The following FHIT variants were observed in gnomAD, a reference collection of about 807,000 sequenced individuals.
FHIT encodes the protein bis(5'-adenosyl)-triphosphatase.
In FHIT, 19 loss-of-function variants were observed where a neutral mutation model predicts 17.9. The ratio of observed to expected loss-of-function variants is 1.06; its 90% CI spans 0.74 to 1.56. The LOEUF is 1.56. Ranked by LOEUF, FHIT falls within the 40% of genes most tolerant of loss-of-function variation. FHIT has a pLI of 0.00. For synonymous variants in FHIT, 81 were observed against 69.7 expected, an observed-to-expected ratio of 1.16 and a Z score of -0.81; for missense variants, 248 against 189.2, an observed-to-expected ratio of 1.31 and a Z score of -1.82.
At chr3:60,869,474 T>C (rs1704306691) in intron 3 of FHIT, among the ~76,000 whole-genome samples, 1 of 152,142 alleles carries the variant, frequency 6.6e-6, no homozygotes, top group Admixed American at 6.6e-5. Context: ...AATATGGTTG[T>C]CCACAGATCT....
At chr3:60,442,127 T>G (rs577252223) in intron 5 of FHIT, among the ~76,000 whole-genome samples, 1 of 151,920 alleles carries the variant, frequency 6.6e-6, no homozygotes. Context: ...CCCAAAGCAC[T>G]GGGATTGCAG....
At chr3:60,641,613 T>C (rs1553685304) in intron 4 of FHIT, among the ~76,000 whole-genome samples, 1 of 152,100 alleles carries the variant, frequency 6.6e-6, no homozygotes, top group East Asian at 1.9e-4. Context: ...CCTTCGTTTC[T>C]CCAGAGACTG....
intron 5 of FHIT, among the ~76,000 whole-genome samples, chr3:60,158,996 G>A (rs994484568): frequency 1.3e-5 from 2 of 151,906 alleles, no homozygotes; most frequent in Non-Finnish European, 2.9e-5. Flanking sequence ...CTAGCTAGAG[G>A]GCATTAATTC....
rs113020016 is a variant in FHIT, at chr3:61,118,430, A to G, written c.-163-76331T>C. Among the ~76,000 whole-genome samples the G allele has an allele frequency of 6.3e-3, 957 of 152,140 alleles. 11 individuals carry two copies. Among genetic ancestry groups the G allele is most frequent in the African/African-American group, 0.022 (920 of 41,492 alleles). On this transcript the variant is annotated intron_variant, in intron 2 of 9. Coordinates refer to ENST00000492590, the MANE Select transcript of FHIT (RefSeq NM_002012.4). Reference sequence around the variant, plus strand: ...AGCTGTAACGAAAGACAATCCTAACACTGGGGTCTAGAATTTAAACTTAGA... The same window carrying G: ...AGCTGTAACGAAAGACAATCCTAACGCTGGGGTCTAGAATTTAAACTTAGA...
chr3:60,183,432 A>G (rs1702028393), intron 5 of FHIT, among the ~76,000 whole-genome samples: 1 of 152,180 alleles, frequency 6.6e-6, no homozygotes, highest in Non-Finnish European at 1.5e-5. Flanking sequence ...AAACAAAAAA[A>G]TAAAAGTGGT....
intron 5 of FHIT, among the ~76,000 whole-genome samples, chr3:60,314,311 G>C (rs1323170293): frequency 1.3e-5 from 2 of 152,098 alleles, no homozygotes; most frequent in Non-Finnish European, 2.9e-5. Context: ...TAAATCAAAA[G>C]GAGTAAGGGA....
chr3:60,563,924 G>A (rs1398503075), intron 4 of FHIT, among the ~76,000 whole-genome samples: 2 of 152,184 alleles, frequency 1.3e-5, no homozygotes, highest in Non-Finnish European at 2.9e-5. Context: ...CAATGAAGTT[G>A]ACCATATTAA....
chr3:60,381,000 G>A lies in FHIT; in HGVS notation c.103+155860C>T, dbSNP rs537582653. On this transcript the variant is annotated intron_variant, in intron 5 of 9. Transcript: ENST00000492590. ...GAGTGTTCCTAGTACTTACTGATATGACCAAGACCTTGTAGCCTTTGAAAC... is the reference window on the plus strand; with the variant it reads ...GAGTGTTCCTAGTACTTACTGATATAACCAAGACCTTGTAGCCTTTGAAAC... Among the ~76,000 whole-genome samples the A allele has an allele frequency of 2.1e-4, 32 of 152,236 alleles. No individual in the cohort carries two copies. In the East Asian group the frequency reaches 4.8e-3, roughly 23 times the overall value.
chr3:60,751,126 GA>G (rs1418766776), intron 4 of FHIT, among the ~76,000 whole-genome samples: 2 of 152,192 alleles, frequency 1.3e-5, no homozygotes, highest in Non-Finnish European at 2.9e-5. Flanking sequence ...CAGGTAAGTC[GA>G]GAGTGGTTAG....
intron 4 of FHIT, among the ~76,000 whole-genome samples, chr3:60,669,508 A>C (rs184534040): frequency 2.0e-5 from 3 of 152,204 alleles, no homozygotes; most frequent in Non-Finnish European, 4.4e-5. Context: ...ACACACACAT[A>C]TATACACACT....
At chr3:60,792,247 T>A (rs182686576) in intron 4 of FHIT, among the ~76,000 whole-genome samples, 1 of 152,238 alleles carries the variant, frequency 6.6e-6, no homozygotes, top group African/African-American at 2.4e-5. Flanking sequence ...CCGCTATTGA[T>A]GACAGGAGAG....
rs374376974 is a variant in FHIT, at chr3:59,909,561, C to T, written c.348+12785G>A. On this transcript the variant is annotated intron_variant, in intron 8 of 9. Transcript: ENST00000492590. Reference sequence around the variant, plus strand: ...GCCAGGCTGGTCTCAAACTCCTGACCTCAAGTGATCCGTCCGCCTCTATCC... The same window carrying T: ...GCCAGGCTGGTCTCAAACTCCTGACTTCAAGTGATCCGTCCGCCTCTATCC... Among the ~76,000 whole-genome samples the T allele has an allele frequency of 3.2e-4, 49 of 152,184 alleles. 1 individual carries two copies. Among genetic ancestry groups the T allele is most frequent in the Admixed American group, 3.0e-3 (46 of 15,266 alleles).
intron 5 of FHIT, among the ~76,000 whole-genome samples, chr3:60,490,141 T>A (rs1347248125): frequency 6.6e-6 from 1 of 152,168 alleles, no homozygotes; most frequent in Non-Finnish European, 1.5e-5. Flanking sequence ...CAGGCAAAGA[T>A]GATAAATATC....
chr3:60,554,109 G>C (rs764225044), intron 4 of FHIT, among the ~76,000 whole-genome samples: 6 of 151,814 alleles, frequency 4.0e-5, no homozygotes, highest in African/African-American at 1.5e-4. Flanking sequence ...GAAAAAAAAC[G>C]TATCAGGGAA....
chr3:60,781,998 G>A (rs1461401273), intron 4 of FHIT, among the ~76,000 whole-genome samples: 1 of 151,950 alleles, frequency 6.6e-6, no homozygotes, highest in Non-Finnish European at 1.5e-5. Context: ...TGTACCCTTT[G>A]ACCAATATCT....
rs2038983125 is a variant in FHIT, at chr3:61,200,637, G to A, written c.-184C>T. 6.6e-6 allele frequency: 1 copy of A among 152,498 alleles called. No homozygotes were observed. The highest frequency in any genetic ancestry group is 2.4e-5 in the African/African-American group (1 of 41,396). The allele number at this position is 152,498 out of a possible 1,614,324, so 9.4% of individuals were successfully genotyped here. On this transcript the variant is annotated 5_prime_UTR_variant, in exon 2 of 10. Transcript: ENST00000492590. ...CTTACCTTTACAGACTGTTCTCAGTGGATTTCTCTTCTTTCCTGAGCTTCA... is the reference window on the plus strand; with the variant it reads ...CTTACCTTTACAGACTGTTCTCAGTAGATTTCTCTTCTTTCCTGAGCTTCA...
chr3:60,117,398 A>C (rs28538005), intron 5 of FHIT, among the ~76,000 whole-genome samples: 1 of 150,224 alleles, frequency 6.7e-6, no homozygotes, highest in Non-Finnish European at 1.5e-5. Context: ...GAGGATTTAA[A>C]TTTTTTTATT....
chr3:59,806,259 G>A (rs1700192286), intron 8 of FHIT, among the ~76,000 whole-genome samples: 1 of 152,028 alleles, frequency 6.6e-6, no homozygotes, highest in Non-Finnish European at 1.5e-5. Context: ...GTGTTATGTG[G>A]CAAGAGGGGT....
chr3:59,858,352 A>C (rs868579374), intron 8 of FHIT, among the ~76,000 whole-genome samples: 47 of 143,614 alleles, frequency 3.3e-4, no homozygotes, highest in African/African-American at 1.2e-3. Flanking sequence ...TCAGCCTCCC[A>C]AGTAGCTGGG....
Sources: allele counts gnomAD v4.1 joint callset (sites outside exome capture counted in the v4.1 genomes callset), GRCh38; gene constraint gnomAD v4.1.1; transcripts MANE v1.5; gene names NCBI Gene and HGNC (gene_info 2026-07-23, HGNC 2026-07-21).